PEX11G: variants seen among roughly 807,000 people sequenced by gnomAD.
PEX11G encodes the protein peroxisomal membrane protein 11C.
Under a neutral mutation model 22.5 loss-of-function variants are expected in PEX11G, and 20 were observed. The observed-to-expected ratio is 0.89, with a 90% CI of 0.62 to 1.29. PEX11G has a LOEUF of 1.29. Ranked by LOEUF, PEX11G falls within the 50% of genes most tolerant of loss-of-function variation. The probability of loss-of-function intolerance (pLI) is 0.00; values close to 1 mark genes in which losing one functional copy is unlikely to be tolerated. For synonymous variants in PEX11G, 141 were observed against 154.5 expected (o/e 0.91, Z 0.65); for missense variants, 347 against 331.3 (o/e 1.05, Z -0.37).
At chr19:7,492,450 A>T (rs2021906682), upstream of PEX11G, among the ~76,000 whole-genome samples, 1 of 147,938 alleles carries the variant, frequency 6.8e-6, no homozygotes, top group African/African-American at 2.5e-5. Flanking sequence ...GTTTGTTTGA[A>T]TTTTTTTTTT....
rs1051693459 is a variant in PEX11G at position 7,477,219 on chromosome 19, C to T, written c.709G>A (p.Glu237Lys). 4 of 1,516,950 alleles carry T rather than the reference C, an allele frequency of 2.6e-6. No individual in the cohort carries two copies. The highest frequency in any genetic ancestry group is 4.8e-5 in the East Asian group (2 of 41,414). 94.0% of individuals were successfully genotyped at this position (1,516,950 alleles called of 1,614,324 possible). A position where few individuals can be genotyped will look rare whatever the true frequency, so the allele number is the denominator to read the frequency against. ...CGGCAGTGTCAGGGGGTAGTGGCCT[C>T]GGCCTGGCCGCCGGCCCGGGCCGCC... ...YQAARAGGQAEATTP is the reference protein window; with the variant it reads ...YQAARAGGQAKATTP The change falls in exon 5 of 5, where the codon GAG becomes AAG. Residue 237 changes from glutamate (E) to lysine (K), a missense_variant. Transcript: ENST00000221480.
intron 1 of PEX11G, among the ~76,000 whole-genome samples, chr19:7,488,707 C>G (rs769948430): frequency 7.2e-5 from 11 of 152,200 alleles, no homozygotes; most frequent in Non-Finnish European, 1.3e-4. Flanking sequence ...AGTGCTGAGG[C>G]AGGAGAATCG....
chr19:7,484,860 A>T (rs79077953), intron 2 of PEX11G, among the ~76,000 whole-genome samples: 3 of 152,010 alleles, frequency 2.0e-5, no homozygotes, highest in Non-Finnish European at 4.4e-5. Flanking sequence ...GAGGTTTTTT[A>T]AAATTATATC....
chr19:7,493,633 A>T (rs1319528344), upstream of PEX11G, among the ~76,000 whole-genome samples: 2 of 151,692 alleles, frequency 1.3e-5, no homozygotes, highest in Non-Finnish European at 2.9e-5. Context: ...AGCCTCCCAT[A>T]GCACTGGGAT....
intron 4 of PEX11G, among the ~76,000 whole-genome samples, 186 bp downstream of exon 4, chr19:7,478,128 C>T (rs1027662579): frequency 2.0e-5 from 3 of 152,242 alleles, no homozygotes; most frequent in East Asian, 1.9e-4. Flanking sequence ...CTGGAGTCCC[C>T]GCTCAAGCAA....
intron 2 of PEX11G, among the ~76,000 whole-genome samples, chr19:7,485,157 TA>T (rs149433025): frequency 0.029 from 4,344 of 150,736 alleles, 208 homozygotes; most frequent in African/African-American, 0.1. Context: ...ACCCTGTCTA[TA>T]AAAAAAATTT....
At position 7,477,306 on chromosome 19, in the gene PEX11G, G is replaced by A. The variant is rs200290556; in HGVS notation, c.622C>T (p.Arg208Cys). 2.2e-4 allele frequency: 346 copies of A among 1,566,126 alleles called. No individual in the cohort carries two copies. The African/African-American group carries it at 3.7e-3, about 17-fold the overall frequency. Residue 208 changes from arginine to cysteine, a missense_variant, in exon 5 of 5, where the codon CGC becomes TGC. Arg to Cys is a radical substitution (Grantham distance 180, BLOSUM62 -3). Coordinates refer to ENST00000221480, the MANE Select transcript of PEX11G (RefSeq NM_080662.4). ...AGGCCCACTAGCCACGGCGGGAAGC[G>A]GCCGGCCCACAGCACGCCCCGGGGC... ...WLPRGVLWAGRFPPWLVGLMG... is the reference protein window; with the variant it reads ...WLPRGVLWAGCFPPWLVGLMG...
chr19:7,489,196 C>T (rs1181602855), upstream of PEX11G, among the ~76,000 whole-genome samples: 1 of 152,272 alleles, frequency 6.6e-6, no homozygotes, highest in Non-Finnish European at 1.5e-5. Flanking sequence ...CACGTGTGTG[C>T]TCTCCAGGCC....
upstream of PEX11G, among the ~76,000 whole-genome samples, chr19:7,493,839 CA>C (rs34297714): frequency 0.27 from 35,286 of 128,338 alleles, 5,400 homozygotes; most frequent in Non-Finnish European, 0.36. Context: ...AACCCCGTCT[CA>C]AAAAAAAAAA....
At chr19:7,488,429 G>A (rs1241917677) in intron 1 of PEX11G, among the ~76,000 whole-genome samples, 1 of 152,232 alleles carries the variant, frequency 6.6e-6, no homozygotes, top group African/African-American at 2.4e-5. Context: ...GGCCTGGTCG[G>A]ATCCAAAACG....
chr19:7,488,431 T>C (rs1051266250), intron 1 of PEX11G, among the ~76,000 whole-genome samples: 2 of 152,196 alleles, frequency 1.3e-5, no homozygotes, highest in African/African-American at 4.8e-5. Context: ...CCTGGTCGGA[T>C]CCAAAACGTC....
At chr19:7,478,946 A>G (rs1275487667) in intron 3 of PEX11G, among the ~76,000 whole-genome samples, 1 of 152,188 alleles carries the variant, frequency 6.6e-6, no homozygotes, top group African/African-American at 2.4e-5. Context: ...TGCTCCCAGC[A>G]GGCTCTGCAG....
chr19:7,481,510 G>A (rs1460266043), intron 3 of PEX11G, among the ~76,000 whole-genome samples: 1 of 152,194 alleles, frequency 6.6e-6, no homozygotes, highest in Non-Finnish European at 1.5e-5. Flanking sequence ...CCTAAGCTAA[G>A]GATCTTGAGA....
upstream of PEX11G, among the ~76,000 whole-genome samples, chr19:7,493,666 T>C (rs2021928354): frequency 6.6e-6 from 1 of 151,970 alleles, no homozygotes; most frequent in South Asian, 2.1e-4. Context: ...CCACCACACC[T>C]GGCCCCAAGA....
upstream of PEX11G, among the ~76,000 whole-genome samples, chr19:7,490,642 ATTTTTTTTTTT>A (rs749165168): frequency 4.4e-3 from 243 of 55,112 alleles, 3 homozygotes; most frequent in Non-Finnish European, 6.6e-3. Flanking sequence ...CCTGGCCTCT[ATTTTTTTTTTT>A]TTTTTTTTTT....
At chr19:7,483,879 T>C (rs577406314) in intron 2 of PEX11G, among the ~76,000 whole-genome samples, 1 of 152,262 alleles carries the variant, frequency 6.6e-6, no homozygotes, top group East Asian at 1.9e-4. Flanking sequence ...GATGGCTCTC[T>C]AGATAGGCTG....
At chr19:7,486,490 A>G (rs947168095) in intron 1 of PEX11G, among the ~76,000 whole-genome samples, 3 of 152,190 alleles carry the variant, frequency 2.0e-5, no homozygotes, top group Admixed American at 6.5e-5. Flanking sequence ...GGTGGGGCAC[A>G]GTGGCTCACA....
intron 1 of PEX11G, among the ~76,000 whole-genome samples, chr19:7,486,649 G>A (rs900976942): frequency 5.3e-5 from 8 of 151,826 alleles, no homozygotes; most frequent in Non-Finnish European, 8.8e-5. Context: ...ACCTAGGCTG[G>A]AGTGCGGTGG....
At chr19:7,491,005 G>C (rs1437105005), upstream of PEX11G, 1 of 151,216 alleles carries the variant, frequency 6.6e-6, no homozygotes, top group African/African-American at 2.4e-5. Context: ...CTGGCCTTGA[G>C]CCCTGGGCTT....
Sources: allele counts gnomAD v4.1 joint callset (sites outside exome capture counted in the v4.1 genomes callset), GRCh38; gene constraint gnomAD v4.1.1; transcripts MANE v1.5; gene names NCBI Gene and HGNC (gene_info 2026-07-23, HGNC 2026-07-21).